Variants in SLIT1 observed in about 807,000 individuals in gnomAD.
The protein encoded by SLIT1 is slit guidance ligand 1.
SLIT1 carries 66 observed loss-of-function variants against 186.1 expected under a neutral mutation model. The observed-to-expected ratio is 0.35, with a 90% CI of 0.29 to 0.44. SLIT1 has a LOEUF of 0.44. SLIT1 is among the 20% of genes least tolerant of loss of function. The probability of loss-of-function intolerance (pLI) is 1.00; values close to 1 mark genes in which losing one functional copy is unlikely to be tolerated. For synonymous variants in SLIT1, 761 were observed against 833.8 expected, an observed-to-expected ratio of 0.91 and a Z score of 1.50; for missense variants, 1,638 against 2,037.4, an observed-to-expected ratio of 0.80 and a Z score of 3.77.
At chr10:97,074,109 T>C (rs1006287596) in intron 4 of SLIT1, among the ~76,000 whole-genome samples, 2 of 152,172 alleles carry the variant, frequency 1.3e-5, no homozygotes, top group East Asian at 1.9e-4. Context: ...AGGCTTGTAA[T>C]AAAATACAGG....
chr10:97,048,378 G>A (rs1285928805), intron 14 of SLIT1, among the ~76,000 whole-genome samples: 1 of 152,188 alleles, frequency 6.6e-6, no homozygotes, highest in African/African-American at 2.4e-5. Context: ...GACTACAATT[G>A]CTAAGGCTGT....
rs891903623 is a variant in SLIT1 at position 97,068,335 on chromosome 10, T to A, written c.414-2249A>T. Among the ~76,000 whole-genome samples the A allele has an allele frequency of 2.0e-5, 3 of 151,996 alleles. No individual in the cohort carries two copies. Among genetic ancestry groups the A allele is most frequent in the African/African-American group, 4.8e-5 (2 of 41,368 alleles). On this transcript the variant is annotated intron_variant, in intron 4 of 36. Coordinates refer to ENST00000266058, the MANE Select transcript of SLIT1 (RefSeq NM_003061.3). This position sits in a 1 kb window ranked among gnomAD's most constrained non-coding sequence, Gnocchi z 4.2. Reference sequence around the variant, plus strand: ...TCCCCTCCCGAGCCCAGTTTCCTCATGTACAAAATGGGAAAAATGAAAGCC... The same window carrying A: ...TCCCCTCCCGAGCCCAGTTTCCTCAAGTACAAAATGGGAAAAATGAAAGCC...
chr10:97,162,398 T>G (rs1384613201), intron 3 of SLIT1, among the ~76,000 whole-genome samples: 2 of 152,244 alleles, frequency 1.3e-5, no homozygotes, highest in South Asian at 2.1e-4. Flanking sequence ...TCACCTGAGG[T>G]CAGGGGTTCA....
chr10:97,114,363 C>A (rs1849491897), intron 4 of SLIT1, among the ~76,000 whole-genome samples: 1 of 152,136 alleles, frequency 6.6e-6, no homozygotes, highest in Admixed American at 6.5e-5. Context: ...CTAGTAAGAT[C>A]AAAAGTACAG....
At position 97,043,536 on chromosome 10, in the gene SLIT1, G is replaced by A; in HGVS notation, c.1854-23C>T. On this transcript the variant is annotated intron_variant, in intron 18 of 36. Coordinates refer to ENST00000266058, the MANE Select transcript of SLIT1 (RefSeq NM_003061.3). This position sits in a 1 kb window ranked among gnomAD's most constrained non-coding sequence, Gnocchi z 7.0. Reference sequence around the variant, plus strand: ...ATTCTGGGGAGGAACGGGGGAGGGAGGAGGGGACCCTTGCTGCCCTGCCAG... The same window carrying A: ...ATTCTGGGGAGGAACGGGGGAGGGAAGAGGGGACCCTTGCTGCCCTGCCAG... 1.9e-6 allele frequency: 3 copies of A among 1,607,770 alleles called. No homozygotes were observed. The highest frequency in any genetic ancestry group is 2.5e-6 in the Non-Finnish European group (3 of 1,176,568).
intron 1 of SLIT1, among the ~76,000 whole-genome samples, chr10:97,183,222 A>G (rs72821774): frequency 0.023 from 3,551 of 152,230 alleles, 61 homozygotes; most frequent in Non-Finnish European, 0.031. Context: ...AGAGCTCACC[A>G]TTAGAGGTCC....
At chr10:97,001,402 C>G in intron 36 of SLIT1, 52 bp from the exon 37 acceptor site, 2 of 1,421,894 alleles carry the variant, frequency 1.4e-6, no homozygotes, top group Non-Finnish European at 2.0e-6. Context: ...CATGGGTGAG[C>G]TGCTGCCTCC....
At chr10:97,071,168 G>C (rs1848997859) in intron 4 of SLIT1, among the ~76,000 whole-genome samples, 1 of 152,240 alleles carries the variant, frequency 6.6e-6, no homozygotes, top group Non-Finnish European at 1.5e-5. Context: ...AAGGAGGTGA[G>C]GAAAGTTGCT....
In SLIT1 at chr10:97,047,063, C is replaced by T. The variant is rs777148896; in HGVS notation, c.1637G>A (p.Arg546Gln). The change falls in exon 17 of 37, where the codon CGA (arginine) becomes CAA (glutamine). Residue 546 changes from arginine to glutamine, a missense_variant and splice_region_variant. Coordinates refer to ENST00000266058, the MANE Select transcript of SLIT1 (RefSeq NM_003061.3). ...ERIPQSTAEL[R>Q]LNNNEISILE... Reference sequence around the variant, plus strand: ...GATGGAAATCTCATTGTTATTCAATCGCCTGTAAGAGACAAGAATGAACTT... The same window carrying T: ...GATGGAAATCTCATTGTTATTCAATTGCCTGTAAGAGACAAGAATGAACTT... 58 of 1,601,506 alleles carry T rather than the reference C, an allele frequency of 3.6e-5. No homozygotes were observed. In the Admixed American group the frequency reaches 4.2e-4, roughly 12 times the overall value.
chr10:97,047,176 T>C lies in SLIT1; in HGVS notation c.1635-111A>G. The C allele has an allele frequency of 7.0e-6, 5 of 716,762 alleles. No homozygotes were observed. In the South Asian group the frequency reaches 8.6e-5, roughly 12 times the overall value. The allele number at this position is 716,762 out of a possible 1,614,324, so 44.4% of individuals were successfully genotyped here. A position where few individuals can be genotyped will look rare whatever the true frequency, so the allele number is the denominator to read the frequency against. ...CAGAGAAGACTCCCAGAAGAATTTA[T>C]CTGGCAAAGCAAATTGATCCTATTT... On this transcript the variant is annotated intron_variant, in intron 16 of 36. Transcript: ENST00000266058.
intron 1 of SLIT1, among the ~76,000 whole-genome samples, chr10:97,177,647 A>C (rs980901971): frequency 7.2e-5 from 11 of 152,208 alleles, no homozygotes; most frequent in African/African-American, 2.7e-4. Flanking sequence ...AATATGGTAC[A>C]TATACACCAC....
chr10:97,144,421 A>G (rs1351427326), intron 4 of SLIT1, among the ~76,000 whole-genome samples: 1 of 152,228 alleles, frequency 6.6e-6, no homozygotes, highest in Non-Finnish European at 1.5e-5. Flanking sequence ...TCAGAGAAAG[A>G]GGCTGTAGCC....
chr10:97,027,919 C>T (rs1458503936), intron 25 of SLIT1, among the ~76,000 whole-genome samples: 3 of 151,998 alleles, frequency 2.0e-5, no homozygotes, highest in East Asian at 1.9e-4. Context: ...TAAGGGGGGG[C>T]GGAAATGCAA....
intron 4 of SLIT1, among the ~76,000 whole-genome samples, chr10:97,127,123 T>C (rs538902609): frequency 1.7e-5 from 2 of 115,894 alleles, no homozygotes; most frequent in East Asian, 5.2e-4. Context: ...ACCCCGTCTC[T>C]ACTAAAAAAA....
intron 20 of SLIT1, 21 bp from the exon 21 acceptor site, chr10:97,040,141 C>A (rs777584619): frequency 3.3e-6 from 5 of 1,536,574 alleles, no homozygotes; most frequent in South Asian, 1.3e-5. Flanking sequence ...AGGCACGAAG[C>A]CCCTGTCAGG....
chr10:97,002,660 A>G, intron 35 of SLIT1, 44 bp downstream of exon 35: 1 of 1,503,348 alleles, frequency 6.7e-7, no homozygotes, highest in Non-Finnish European at 8.9e-7. Context: ...TGGGGAAGGA[A>G]CAGGTAGGCA....
chr10:97,181,227 C>A (rs1276947767), intron 1 of SLIT1, among the ~76,000 whole-genome samples: 1 of 152,156 alleles, frequency 6.6e-6, no homozygotes, highest in Non-Finnish European at 1.5e-5. Context: ...GAGGCACCTC[C>A]CCTACACAGC....
intron 4 of SLIT1, among the ~76,000 whole-genome samples, chr10:97,127,126 T>TA (rs145719705): frequency 0.49 from 72,329 of 146,890 alleles, 20,113 homozygotes; most frequent in Non-Finnish European, 0.62. Flanking sequence ...CCGTCTCTAC[T>TA]AAAAAAAAAA....
In SLIT1 at chr10:97,031,820, A is replaced by G. The variant is rs575385454; in HGVS notation, c.2439-143T>C. ...GGGAGGCAGAGCAGCCGGCAAGTGC[A>G]TGGGCTGGGCTGCGCCCTAAGAAGC... On this transcript the variant is annotated intron_variant, in intron 23 of 36. Coordinates refer to ENST00000266058, the MANE Select transcript of SLIT1 (RefSeq NM_003061.3). 30 of 643,236 alleles carry G rather than the reference A, an allele frequency of 4.7e-5. No homozygotes were observed. In the African/African-American group the frequency reaches 4.9e-4, roughly 11 times the overall value. The allele number at this position is 643,236 out of a possible 1,614,324, so 39.8% of individuals were successfully genotyped here.
Sources: allele counts gnomAD v4.1 joint callset (sites outside exome capture counted in the v4.1 genomes callset), GRCh38; gene constraint gnomAD v4.1.1; non-coding constraint Gnocchi (gnomAD v3.1); transcripts MANE v1.5; gene names NCBI Gene and HGNC (gene_info 2026-07-23, HGNC 2026-07-21).